ALK: variants seen among roughly 807,000 people sequenced by gnomAD.
The protein encoded by ALK is ALK tyrosine kinase receptor.
ALK carries 74 observed loss-of-function variants against 163.1 expected under a neutral mutation model. The observed-to-expected ratio is 0.45, with a 90% CI of 0.38 to 0.55. ALK has a LOEUF of 0.55. Ranked by LOEUF, ALK falls within the 20% of genes least tolerant of loss-of-function variation. The pLI is 0.00. For missense variants in ALK, 2,063 were observed against 2,105.3 expected, an observed-to-expected ratio of 0.98 and a Z score of 0.39; for synonymous variants, 960 against 843.2, an observed-to-expected ratio of 1.14 and a Z score of -2.40.
intron 5 of ALK, among the ~76,000 whole-genome samples, chr2:29,339,040 C>T: frequency 6.6e-6 from 1 of 152,208 alleles, no homozygotes; most frequent in Middle Eastern, 3.4e-3. Context: ...GTGGGGAGTT[C>T]AAGACCAGCC....
rs966839210 is a variant in ALK at position 29,886,241 on chromosome 2, C to G, written c.667+33752G>C. Among the ~76,000 whole-genome samples, 4 of 152,304 alleles carry G rather than the reference C, an allele frequency of 2.6e-5. 1 individual carries two copies. Among genetic ancestry groups the G allele is most frequent in the Admixed American group, 2.6e-4 (4 of 15,300 alleles). ...TGTGTTAACTGACTGTTTATGTTATCAGTAAGACTTTCAGTCAACAGTATG... is the reference window on the plus strand; with the variant it reads ...TGTGTTAACTGACTGTTTATGTTATGAGTAAGACTTTCAGTCAACAGTATG... On this transcript the variant is annotated intron_variant, in intron 1 of 28. Coordinates refer to ENST00000389048, the MANE Select transcript of ALK (RefSeq NM_004304.5).
intron 3 of ALK, among the ~76,000 whole-genome samples, chr2:29,657,152 C>A (rs376068173): frequency 1.9e-4 from 29 of 152,132 alleles, no homozygotes; most frequent in African/African-American, 7.0e-4. Context: ...ATTAGTTGGA[C>A]ACAAAAGTCT....
Position 29,193,131 on chromosome 2 carries a change from A to G in ALK, c.*93T>C. The G allele has an allele frequency of 7.3e-7, 1 of 1,368,416 alleles. No individual in the cohort carries two copies. The highest frequency in any genetic ancestry group is 1.0e-6 in the Non-Finnish European group (1 of 974,140). The allele number at this position is 1,368,416 out of a possible 1,614,324, so 84.8% of individuals were successfully genotyped here. ...ATAGGTTGGCACAAAACAAAACGTG[A>G]CATTTGGTCTCTGGTTTGTGAAGGA... On this transcript the variant is annotated 3_prime_UTR_variant, in exon 29 of 29. Coordinates refer to ENST00000389048, the MANE Select transcript of ALK (RefSeq NM_004304.5).
intron 7 of ALK, among the ~76,000 whole-genome samples, chr2:29,320,224 G>A (rs546175398): frequency 5.9e-5 from 9 of 152,320 alleles, no homozygotes; most frequent in East Asian, 1.9e-4. Flanking sequence ...GATGGACCCC[G>A]GAGAGGGGAG....
At chr2:29,433,709 T>G (rs1463214966) in intron 4 of ALK, among the ~76,000 whole-genome samples, 1 of 150,592 alleles carries the variant, frequency 6.6e-6, no homozygotes, top group African/African-American at 2.4e-5. Flanking sequence ...AGTCATAGTT[T>G]GTCAACTTAA....
chr2:29,265,322 C>A (rs142632049), intron 11 of ALK, among the ~76,000 whole-genome samples: 122 of 152,180 alleles, frequency 8.0e-4, no homozygotes, highest in Non-Finnish European at 1.4e-3. Flanking sequence ...CTGGCCGAGC[C>A]CTGTGTTTTT....
chr2:29,416,060 G>A (rs1669868361), intron 4 of ALK, among the ~76,000 whole-genome samples: 1 of 152,200 alleles, frequency 6.6e-6, no homozygotes, highest in African/African-American at 2.4e-5. Flanking sequence ...CAGTTTGCAG[G>A]CGACATACTG....
intron 26 of ALK, among the ~76,000 whole-genome samples, chr2:29,199,728 G>A (rs1490401718): frequency 6.6e-6 from 1 of 151,920 alleles, no homozygotes; most frequent in Non-Finnish European, 1.5e-5. Flanking sequence ...TTTTTTAAAA[G>A]CTTTATGAGA....
intron 3 of ALK, among the ~76,000 whole-genome samples, chr2:29,674,387 G>C (rs1261357334): frequency 1.8e-4 from 27 of 151,698 alleles, no homozygotes; most frequent in Admixed American, 1.3e-3. Flanking sequence ...AGCATGAAGG[G>C]TTGTTGAATT....
rs746685931 is a variant in ALK, at chr2:29,320,315, C to T, written c.1546+436G>A. Among the ~76,000 whole-genome samples, 10 of 152,038 alleles carry T rather than the reference C, an allele frequency of 6.6e-5. No homozygotes were observed. In the South Asian group the frequency reaches 8.3e-4, roughly 13 times the overall value. ...GTGCTGCAGGGAATGGACCATGGAC[C>T]GGGTATAGGGTGAGGCTCCCTGGGC... On this transcript the variant is annotated intron_variant, in intron 7 of 28. Coordinates refer to ENST00000389048, the MANE Select transcript of ALK (RefSeq NM_004304.5).
At chr2:29,478,137 TA>T (rs989742613) in intron 4 of ALK, among the ~76,000 whole-genome samples, 4 of 152,152 alleles carry the variant, frequency 2.6e-5, no homozygotes, top group African/African-American at 9.7e-5. Context: ...ACCCAACAGA[TA>T]GAAATATGAG....
At chr2:29,301,984 C>T (rs1666386177) in intron 8 of ALK, among the ~76,000 whole-genome samples, 1 of 152,224 alleles carries the variant, frequency 6.6e-6, no homozygotes, top group Non-Finnish European at 1.5e-5. Flanking sequence ...ATACTCTGTT[C>T]TTGAAGATGA....
chr2:29,717,799 T>A (rs889596490), intron 1 of ALK, 102 bp from the exon 2 acceptor site: 4 of 1,514,456 alleles, frequency 2.6e-6, no homozygotes, highest in Non-Finnish European at 3.7e-6. Context: ...GGGGCTTTCA[T>A]GACATCCATC....
intron 4 of ALK, among the ~76,000 whole-genome samples, chr2:29,409,975 G>A (rs192280066): frequency 1.3e-5 from 2 of 152,190 alleles, no homozygotes; most frequent in East Asian, 1.9e-4. Context: ...TCTTTCTTGA[G>A]CCTTTATCTT....
chr2:29,843,192 C>T (rs1339525191), intron 1 of ALK, among the ~76,000 whole-genome samples: 1 of 151,960 alleles, frequency 6.6e-6, no homozygotes, highest in African/African-American at 2.4e-5. Flanking sequence ...GGAAAAGACC[C>T]ACCAGCTAGA....
intron 3 of ALK, among the ~76,000 whole-genome samples, chr2:29,662,813 T>C (rs1057270912): frequency 2.6e-5 from 4 of 152,178 alleles, no homozygotes; most frequent in Admixed American, 1.3e-4. Context: ...GAGAAATTTG[T>C]GTGCCTGCTT....
Position 29,905,897 on chromosome 2 carries a change from T to C in ALK, c.667+14096A>G, listed in dbSNP as rs141128794. On this transcript the variant is annotated intron_variant, in intron 1 of 28. Coordinates refer to ENST00000389048, the MANE Select transcript of ALK (RefSeq NM_004304.5). ...GATTGAGACCGCTGTCTGGCCCCAC[T>C]CCTGGGCTCTCTGCCTTTCATCTCT... Among the ~76,000 whole-genome samples the C allele has an allele frequency of 3.4e-4, 52 of 152,308 alleles. 1 individual carries two copies. The East Asian group carries it at 8.7e-3, about 25-fold the overall frequency.
At chr2:29,272,994 G>T (rs1665432837) in intron 11 of ALK, among the ~76,000 whole-genome samples, 1 of 152,240 alleles carries the variant, frequency 6.6e-6, no homozygotes, top group African/African-American at 2.4e-5. Context: ...GTGAGGACAA[G>T]CTGTTGTGTG....
intron 1 of ALK, among the ~76,000 whole-genome samples, chr2:29,858,075 A>C (rs779996082): frequency 1.3e-5 from 2 of 149,010 alleles, no homozygotes; most frequent in Non-Finnish European, 3.0e-5. Flanking sequence ...GTGTGTGTGT[A>C]TGCATGTGGT....
Sources: gnomAD v4.1 joint callset for allele counts (sites outside exome capture counted in the v4.1 genomes callset) on GRCh38, gnomAD v4.1.1 for gene constraint, MANE v1.5 for transcripts, NCBI Gene and HGNC (gene_info 2026-07-23, HGNC 2026-07-21) for gene names.